The following RUNDC3B variants were observed in gnomAD, a reference collection of about 807,000 sequenced individuals.
RUNDC3B encodes the protein RUN domain-containing protein 3B.
In RUNDC3B, 33 loss-of-function variants were observed where a neutral mutation model predicts 58.4. The observed-to-expected ratio is 0.56, with a 90% CI of 0.43 to 0.75. RUNDC3B has a LOEUF of 0.75. RUNDC3B is among the 30% of genes least tolerant of loss of function. The pLI is 0.00. For missense variants in RUNDC3B, 501 were observed against 535.7 expected, an observed-to-expected ratio of 0.94 and a Z score of 0.64; for synonymous variants, 193 against 195.2, an observed-to-expected ratio of 0.99 and a Z score of 0.10.
intron 6 of RUNDC3B, among the ~76,000 whole-genome samples, chr7:87,743,730 T>C (rs1317784821): frequency 6.6e-6 from 1 of 152,158 alleles, no homozygotes; most frequent in Non-Finnish European, 1.5e-5. Context: ...TTGTCAGATA[T>C]ATAGGTTGTG....
chr7:87,812,972 C>A (rs1470956788), intron 9 of RUNDC3B, among the ~76,000 whole-genome samples: 1 of 152,128 alleles, frequency 6.6e-6, no homozygotes, highest in Non-Finnish European at 1.5e-5. Flanking sequence ...AATGAGGAAA[C>A]CAAACCCATT....
At chr7:87,816,422 G>A (rs573335543) in intron 10 of RUNDC3B, among the ~76,000 whole-genome samples, 160 bp downstream of exon 10, 24 of 152,064 alleles carry the variant, frequency 1.6e-4, no homozygotes, top group South Asian at 4.2e-4. Flanking sequence ...TGTCTTTCTC[G>A]TGTGTGTGTG....
intron 4 of RUNDC3B, among the ~76,000 whole-genome samples, chr7:87,729,108 A>G (rs1476135435): frequency 1.3e-5 from 2 of 152,192 alleles, no homozygotes; most frequent in African/African-American, 4.8e-5. Flanking sequence ...GTATGAAAAT[A>G]TGCTATTTTA....
chr7:87,706,149 C>T (rs1829566642), intron 3 of RUNDC3B, among the ~76,000 whole-genome samples: 1 of 152,152 alleles, frequency 6.6e-6, no homozygotes, highest in Non-Finnish European at 1.5e-5. Flanking sequence ...ATCAGCCATC[C>T]ACATATCCAT....
At chr7:87,691,587 C>T (rs1828019214) in intron 2 of RUNDC3B, among the ~76,000 whole-genome samples, 1 of 152,022 alleles carries the variant, frequency 6.6e-6, no homozygotes, top group Admixed American at 6.5e-5. Context: ...ACAAACAAGC[C>T]CTGGGCCACT....
intron 9 of RUNDC3B, among the ~76,000 whole-genome samples, chr7:87,808,980 A>T (rs1836573662): frequency 6.6e-6 from 1 of 152,146 alleles, no homozygotes; most frequent in Non-Finnish European, 1.5e-5. Flanking sequence ...CCACATGGTC[A>T]CATTAGATAG....
intron 3 of RUNDC3B, among the ~76,000 whole-genome samples, chr7:87,703,914 G>GTTTTTTTTTTTTTTTTTTTTTTT (rs35797972): frequency 6.1e-4 from 26 of 42,970 alleles, no homozygotes; most frequent in East Asian, 1.7e-3. Context: ...TTTTTTTTTG[G>GTTTTTTTTTTTTTTTTTTTTTTT]TTTTTTTTTT....
chr7:87,699,878 G>A (rs1828862655), intron 2 of RUNDC3B, among the ~76,000 whole-genome samples: 1 of 152,096 alleles, frequency 6.6e-6, no homozygotes, highest in African/African-American at 2.4e-5. Context: ...TTGGGTAGGT[G>A]GTTATGCATT....
Position 87,644,204 on chromosome 7 carries a change from A to G in RUNDC3B, c.123-6618A>G, listed in dbSNP as rs117271103. Among the ~76,000 whole-genome samples, 7 of 152,302 alleles carry G rather than the reference A, an allele frequency of 4.6e-5. No individual in the cohort carries two copies. In the East Asian group the frequency reaches 1.4e-3, roughly 29 times the overall value. ...AAAATTCTCTGTGTTTCTGATGTAA[A>G]ATATAAGAGAGAAAATAGGCCTTCC... On this transcript the variant is annotated intron_variant, in intron 1 of 10. Coordinates refer to ENST00000394654, the MANE Select transcript of RUNDC3B (RefSeq NM_001134405.2).
chr7:87,762,787 T>C (rs1833766454), intron 6 of RUNDC3B, among the ~76,000 whole-genome samples: 1 of 151,390 alleles, frequency 6.6e-6, no homozygotes, highest in Non-Finnish European at 1.5e-5. Flanking sequence ...ATTAAAAATA[T>C]ACACCAAGAA....
chr7:87,755,520 G>A (rs1406478880), intron 6 of RUNDC3B, among the ~76,000 whole-genome samples: 2 of 152,118 alleles, frequency 1.3e-5, no homozygotes, highest in African/African-American at 4.8e-5. Flanking sequence ...GAATCCAGCA[G>A]CACGTCAAAA....
chr7:87,727,734 G>T (rs1200592926), intron 4 of RUNDC3B, among the ~76,000 whole-genome samples: 1 of 152,044 alleles, frequency 6.6e-6, no homozygotes, highest in Non-Finnish European at 1.5e-5. Flanking sequence ...ATCTTATCAA[G>T]AGGATGCATG....
chr7:87,733,537 A>G (rs1042100511), intron 4 of RUNDC3B, among the ~76,000 whole-genome samples: 3 of 152,184 alleles, frequency 2.0e-5, no homozygotes, highest in Admixed American at 6.5e-5. Context: ...ATAGGAGACA[A>G]TTTTTACAGA....
chr7:87,764,195 T>A (rs867709670), intron 6 of RUNDC3B, among the ~76,000 whole-genome samples: 16 of 151,934 alleles, frequency 1.1e-4, no homozygotes, highest in Middle Eastern at 6.8e-3. Flanking sequence ...CAAACTGATA[T>A]TTTTTGAAGG....
intron 3 of RUNDC3B, among the ~76,000 whole-genome samples, chr7:87,707,981 G>A (rs1187446625): frequency 6.6e-6 from 1 of 152,002 alleles, no homozygotes; most frequent in Non-Finnish European, 1.5e-5. Flanking sequence ...GGAAAGTACT[G>A]ATAATGAAAA....
chr7:87,721,718 A>G (rs1241376314), intron 4 of RUNDC3B, among the ~76,000 whole-genome samples: 1 of 152,010 alleles, frequency 6.6e-6, no homozygotes, highest in African/African-American at 2.4e-5. Flanking sequence ...GTTAAATATA[A>G]CATGAATAAT....
At chr7:87,665,617 G>T (rs961985436) in intron 2 of RUNDC3B, among the ~76,000 whole-genome samples, 1 of 151,964 alleles carries the variant, frequency 6.6e-6, no homozygotes, top group African/African-American at 2.4e-5. Flanking sequence ...ATGGGGTTTG[G>T]TGTACAATTA....
chr7:87,818,692 A>T (rs1837215814), intron 10 of RUNDC3B, among the ~76,000 whole-genome samples: 2 of 152,336 alleles, frequency 1.3e-5, no homozygotes, highest in East Asian at 3.9e-4. Flanking sequence ...ATGCTCCTGT[A>T]ACAAGCTGTG....
At chr7:87,823,789 T>C (rs965268414) in intron 10 of RUNDC3B, among the ~76,000 whole-genome samples, 13 of 147,890 alleles carry the variant, frequency 8.8e-5, no homozygotes, top group South Asian at 2.1e-4. Flanking sequence ...ATTTCATATA[T>C]ATACACACAC....
Sources: gnomAD v4.1 joint callset for allele counts (sites outside exome capture counted in the v4.1 genomes callset) on GRCh38, gnomAD v4.1.1 for gene constraint, MANE v1.5 for transcripts, NCBI Gene and HGNC (gene_info 2026-07-23, HGNC 2026-07-21) for gene names.